The following HECW1 variants were observed in gnomAD, a reference collection of about 807,000 sequenced individuals.
The protein encoded by HECW1 is HECT, C2 and WW domain containing E3 ubiquitin protein ligase 1.
HECW1 carries 61 observed loss-of-function variants against 182.3 expected under a neutral mutation model. The ratio of observed to expected loss-of-function variants is 0.33; its 90% CI spans 0.27 to 0.41. HECW1 has a LOEUF of 0.41. HECW1 is among the 10% of genes least tolerant of loss of function. The pLI is 1.00. For synonymous variants in HECW1, 859 were observed against 832.6 expected, an observed-to-expected ratio of 1.03 and a Z score of -0.55; for missense variants, 1,739 against 2,108.9, an observed-to-expected ratio of 0.82 and a Z score of 3.44.
chr7:43,548,377 A>G (rs1014396731), intron 26 of HECW1, among the ~76,000 whole-genome samples: 1 of 152,150 alleles, frequency 6.6e-6, no homozygotes, highest in African/African-American at 2.4e-5. Context: ...GTACGAGTGG[A>G]CCCATGCAGT....
At chr7:43,508,166 C>A in intron 23 of HECW1, 35 bp downstream of exon 23, 1 of 1,440,204 alleles carries the variant, frequency 6.9e-7, no homozygotes, top group Non-Finnish European at 9.8e-7. Context: ...GACACCTAAG[C>A]AAGGGTGGGC....
chr7:43,486,448 C>T (rs1038091340), intron 17 of HECW1, among the ~76,000 whole-genome samples: 2 of 152,088 alleles, frequency 1.3e-5, no homozygotes, highest in African/African-American at 4.8e-5. Flanking sequence ...GCTACAGGCA[C>T]GCACCCCTAC....
intron 16 of HECW1, among the ~76,000 whole-genome samples, chr7:43,469,724 T>TTCA (rs1233836173): frequency 2.0e-5 from 3 of 152,336 alleles, no homozygotes; most frequent in Admixed American, 6.5e-5. Flanking sequence ...TTTCCTAATC[T>TTCA]TCATCAGCCA....
At chr7:43,266,201 GC>G (rs1014056781) in intron 3 of HECW1, among the ~76,000 whole-genome samples, 13 of 152,104 alleles carry the variant, frequency 8.5e-5, no homozygotes, top group African/African-American at 3.1e-4. Flanking sequence ...TCTGTTGACA[GC>G]CCCCCATCCT....
chr7:43,440,540 C>T (rs1277026135), intron 9 of HECW1: 1 of 152,210 alleles, frequency 6.6e-6, no homozygotes, highest in African/African-American at 2.4e-5. Flanking sequence ...TTTGTATCAA[C>T]TGCAGCACCT....
chr7:43,159,804 C>G (rs1340271958), intron 2 of HECW1, among the ~76,000 whole-genome samples: 1 of 151,718 alleles, frequency 6.6e-6, no homozygotes, highest in East Asian at 1.9e-4. Context: ...CTCAGCCTCC[C>G]AAGTAGCTGG....
chr7:43,425,113 A>G (rs905814965), intron 8 of HECW1, among the ~76,000 whole-genome samples: 3 of 152,176 alleles, frequency 2.0e-5, no homozygotes, highest in African/African-American at 2.4e-5. Context: ...GAACAGTGGA[A>G]TGGCAAAGCC....
intron 29 of HECW1, among the ~76,000 whole-genome samples, chr7:43,560,463 A>G (rs1000198312): frequency 6.6e-6 from 1 of 152,076 alleles, no homozygotes; most frequent in Non-Finnish European, 1.5e-5. Context: ...GACAGGGAGG[A>G]GGGAGGTAGG....
At chr7:43,373,114 C>G (rs747194065) in intron 6 of HECW1, among the ~76,000 whole-genome samples, 12 of 151,880 alleles carry the variant, frequency 7.9e-5, no homozygotes, top group Non-Finnish European at 1.6e-4. Context: ...GGAGGCAAAG[C>G]AGACTAACGG....
intron 2 of HECW1, among the ~76,000 whole-genome samples, chr7:43,198,736 CCACACTCT>C (rs1794753035): frequency 1.3e-5 from 2 of 149,496 alleles, no homozygotes; most frequent in Non-Finnish European, 3.0e-5. Flanking sequence ...CTCTCACACC[CCACACTCT>C]CACACACTAT....
intron 8 of HECW1, among the ~76,000 whole-genome samples, chr7:43,407,949 C>T (rs936057137): frequency 1.3e-5 from 2 of 152,206 alleles, no homozygotes; most frequent in Non-Finnish European, 2.9e-5. Context: ...CATTGCACTG[C>T]ATGCAGTAGC....
At chr7:43,327,615 C>G (rs1370623687) in intron 5 of HECW1, among the ~76,000 whole-genome samples, 2 of 152,122 alleles carry the variant, frequency 1.3e-5, no homozygotes, top group African/African-American at 4.8e-5. Context: ...GTTGGTCTTC[C>G]CTTCGTTATT....
Position 43,537,849 on chromosome 7 carries a change from T to C in HECW1, c.4020-3314T>C, listed in dbSNP as rs2081232887. ...ATGTCAGTCCGAGAAACCAGTGTAA[T>C]TCTGACTTTGGAAATTCCACCTTAT... is the stretch of plus-strand genomic sequence containing the variant. On this transcript the variant is annotated intron_variant, in intron 24 of 29. Transcript: ENST00000395891. Among the ~76,000 whole-genome samples, 5 of 152,188 alleles carry C rather than the reference T, an allele frequency of 3.3e-5. No homozygotes were observed. The South Asian group carries it at 1.0e-3, about 32-fold the overall frequency.
intron 2 of HECW1, among the ~76,000 whole-genome samples, chr7:43,199,729 T>C (rs1248011172): frequency 6.6e-6 from 1 of 152,216 alleles, no homozygotes; most frequent in Non-Finnish European, 1.5e-5. Context: ...GAAAAAAATA[T>C]AGAATTTTAT....
chr7:43,443,317 T>C (rs1303017168), intron 10 of HECW1, among the ~76,000 whole-genome samples: 1 of 152,192 alleles, frequency 6.6e-6, no homozygotes, highest in Non-Finnish European at 1.5e-5. Context: ...AGCCTGGAGT[T>C]TTTCACTACC....
chr7:43,308,179 A>G (rs1807951206), intron 3 of HECW1, among the ~76,000 whole-genome samples: 1 of 103,904 alleles, frequency 9.6e-6, no homozygotes, highest in South Asian at 2.5e-4. Context: ...ATATATTTTT[A>G]TATATTATAA....
intron 3 of HECW1, among the ~76,000 whole-genome samples, chr7:43,287,647 G>T (rs1229368199): frequency 1.3e-5 from 2 of 152,000 alleles, no homozygotes; most frequent in African/African-American, 2.4e-5. Context: ...CCTGATTTAG[G>T]TTTTTTAAAG....
intron 3 of HECW1, among the ~76,000 whole-genome samples, chr7:43,261,331 A>C (rs1048684407): frequency 1.3e-5 from 2 of 152,146 alleles, no homozygotes; most frequent in African/African-American, 4.8e-5. Context: ...CTGTGCTGTG[A>C]GTAGCATCCC....
intron 7 of HECW1, among the ~76,000 whole-genome samples, chr7:43,397,791 T>C (rs566600209): frequency 1.3e-5 from 2 of 152,308 alleles, no homozygotes; most frequent in African/African-American, 4.8e-5. Flanking sequence ...CTTCAGTTGC[T>C]TCAGGTCATC....
Sources: gnomAD v4.1 joint callset for allele counts (sites outside exome capture counted in the v4.1 genomes callset) on GRCh38, gnomAD v4.1.1 for gene constraint, MANE v1.5 for transcripts, NCBI Gene and HGNC (gene_info 2026-07-23, HGNC 2026-07-21) for gene names.